The following ZNF77 variants were observed in gnomAD, a reference collection of about 807,000 sequenced individuals.
The protein encoded by ZNF77 is zinc finger protein 77, also known as ZNFpT1.
Under a neutral mutation model 13.5 loss-of-function variants are expected in ZNF77, and 15 were observed. The ratio of observed to expected loss-of-function variants is 1.11; its 90% CI spans 0.74 to 1.71. ZNF77 has a LOEUF of 1.71. Among genes scored for constraint, ZNF77 ranks in the 40% most tolerant of loss-of-function variants. The pLI is 0.00. For synonymous variants in ZNF77, 282 were observed against 250.0 expected (o/e 1.13, Z -1.21); for missense variants, 717 against 676.4 (o/e 1.06, Z -0.67).
In ZNF77 at chr19:2,933,492, C is replaced by G; in HGVS notation, c.1635G>C (p.Ala545=). ...LQAHVRTHAG[A] ...CAGGTCCACTGTATTCGTAGATTCA[C>G]GCTCCAGCATGTGTTCTCACATGTG... The change falls in exon 4 of 4, where the codon GCG becomes GCC. Residue 545 remains alanine (A), a synonymous_variant. Coordinates refer to ENST00000314531, the MANE Select transcript of ZNF77 (RefSeq NM_021217.3). The G allele has an allele frequency of 1.3e-6, 2 of 1,551,566 alleles. No individual in the cohort carries two copies. Among genetic ancestry groups the G allele is most frequent in the Non-Finnish European group, 1.7e-6 (2 of 1,146,180 alleles).
At chr19:2,944,294 C>T (rs1205084407) in intron 1 of ZNF77, among the ~76,000 whole-genome samples, 1 of 146,180 alleles carries the variant, frequency 6.8e-6, no homozygotes, top group Non-Finnish European at 1.5e-5. Flanking sequence ...AAACTCCCGA[C>T]TGCAGCTACT....
chr19:2,940,398 G>C (rs1046681675), intron 1 of ZNF77, among the ~76,000 whole-genome samples: 22 of 152,072 alleles, frequency 1.4e-4, no homozygotes, highest in Middle Eastern at 6.8e-3. Context: ...GGATAGGCCG[G>C]GCGTGGTGGC....
At chr19:2,936,733 G>A in intron 2 of ZNF77, 29 bp from the exon 3 acceptor site, 1 of 1,575,000 alleles carries the variant, frequency 6.3e-7, no homozygotes, top group Non-Finnish European at 8.6e-7. Flanking sequence ...CAATTTCTTA[G>A]GAGAAATATG....
In ZNF77 at chr19:2,939,383, C is replaced by T; in HGVS notation, c.28G>A (p.Ala10Thr). 6.2e-7 allele frequency: 1 copy of T among 1,614,150 alleles called. No homozygotes were observed. Among genetic ancestry groups the T allele is most frequent in the South Asian group, 1.1e-5 (1 of 91,082 alleles). Residue 10 changes from alanine (A) to threonine (T), a missense_variant, in exon 2 of 4, where the codon GCT (alanine) becomes ACT (threonine). Transcript: ENST00000314531. MDCVIFEEV[A>T]VNFTPEEWAL... ...CACTCTTCTGGGGTGAAGTTCACAG[C>T]CACTTCCTCAAAGATCACGCAGTCC...
At chr19:2,939,550 G>T in intron 1 of ZNF77, 143 bp from the exon 2 acceptor site, 3 of 1,188,916 alleles carry the variant, frequency 2.5e-6, no homozygotes, top group African/African-American at 1.5e-5. Flanking sequence ...ATGAAAAAGT[G>T]CAGTACACTC....
rs201144554 is a variant in ZNF77 at position 2,934,464 on chromosome 19, G to C, written c.663C>G (p.Phe221Leu). 5 of 1,614,230 alleles carry C rather than the reference G, an allele frequency of 3.1e-6. No individual in the cohort carries two copies. In the East Asian group the frequency reaches 1.1e-4, roughly 36 times the overall value. ...SYECQKCGKA[F>L]ICPSSFRGHV... is the part of the protein sequence containing the mutation. The stretch of plus-strand genomic sequence containing the variant: ...GTCCCCTGAAAGATGAGGGACAAAT[G>C]AAAGCTTTTCCACATTTCTGACATT... Residue 221 changes from phenylalanine (F) to leucine (L), a missense_variant, in exon 4 of 4, where the codon TTC becomes TTG. Physicochemically the swap from Phe to Leu is conservative, Grantham distance 22. Coordinates refer to ENST00000314531, the MANE Select transcript of ZNF77 (RefSeq NM_021217.3).
intron 1 of ZNF77, among the ~76,000 whole-genome samples, chr19:2,943,215 A>T (rs1018012019): frequency 8.2e-6 from 1 of 121,910 alleles, no homozygotes; most frequent in Non-Finnish European, 1.7e-5. Flanking sequence ...TTATACCCCC[A>T]CCCCACTGCA....
chr19:2,936,446 G>A, intron 3 of ZNF77, 78 bp downstream of exon 3: 3 of 1,462,532 alleles, frequency 2.1e-6, no homozygotes, highest in African/African-American at 1.5e-5. Context: ...CCTGTGCCCA[G>A]CCGATACTTT....
intron 1 of ZNF77, chr19:2,939,682 C>T (rs964025266): frequency 2.4e-6 from 1 of 418,662 alleles, no homozygotes; most frequent in Non-Finnish European, 4.4e-6. Flanking sequence ...AATCTGAAAA[C>T]ATCATTAAGC....
intron 2 of ZNF77, among the ~76,000 whole-genome samples, chr19:2,937,063 C>T (rs1568192895): frequency 6.6e-6 from 1 of 152,080 alleles, no homozygotes; most frequent in South Asian, 2.1e-4. Context: ...GTGTTGTGTG[C>T]CTATAATCCC....
At chr19:2,936,784 T>A in intron 2 of ZNF77, 80 bp from the exon 3 acceptor site, 1 of 1,311,562 alleles carries the variant, frequency 7.6e-7, no homozygotes, top group Non-Finnish European at 1.0e-6. Context: ...TTTCTTTTCA[T>A]ATAGTAATCC....
intron 2 of ZNF77, among the ~76,000 whole-genome samples, 193 bp from the exon 3 acceptor site, chr19:2,936,897 G>A (rs916761876): frequency 3.9e-5 from 6 of 152,126 alleles, no homozygotes; most frequent in East Asian, 1.9e-4. Context: ...CAGATGAGCC[G>A]GGTGCAGTGG....
In ZNF77 at chr19:2,944,958, G is replaced by T; in HGVS notation, c.-118C>A. Reference sequence around the variant, plus strand: ...TAGGCGGGGAAGCGCGCAAGGCAGAGGGGAACTCGGCTTACCGTCCTCGGG... The same window carrying T: ...TAGGCGGGGAAGCGCGCAAGGCAGATGGGAACTCGGCTTACCGTCCTCGGG... On this transcript the variant is annotated 5_prime_UTR_variant, in exon 1 of 4. Transcript: ENST00000314531. 1 of 1,327,522 alleles carries T rather than the reference G, an allele frequency of 7.5e-7. No individual in the cohort carries two copies. The highest frequency in any genetic ancestry group is 1.0e-6 in the Non-Finnish European group (1 of 1,003,948). The allele number at this position is 1,327,522 out of a possible 1,614,324, so 82.2% of individuals were successfully genotyped here.
chr19:2,935,079 C>CAT (rs2088383940), intron 3 of ZNF77, among the ~76,000 whole-genome samples: 2 of 152,074 alleles, frequency 1.3e-5, no homozygotes, highest in East Asian at 1.9e-4. Flanking sequence ...AGTGCAGTGG[C>CAT]GCCATCTCGG....
At chr19:2,940,407 G>A (rs2088438740) in intron 1 of ZNF77, among the ~76,000 whole-genome samples, 1 of 151,972 alleles carries the variant, frequency 6.6e-6, no homozygotes, top group South Asian at 2.1e-4. Flanking sequence ...GGGCGTGGTG[G>A]CTCACGCCTA....
chr19:2,940,926 GC>G (rs1305223329), intron 1 of ZNF77, among the ~76,000 whole-genome samples: 1 of 152,084 alleles, frequency 6.6e-6, no homozygotes, highest in East Asian at 1.9e-4. Context: ...TATACTCCCA[GC>G]ACTTTGGGAG....
intron 3 of ZNF77, among the ~76,000 whole-genome samples, chr19:2,935,045 G>A (rs923437882): frequency 6.6e-6 from 1 of 152,114 alleles, no homozygotes; most frequent in Non-Finnish European, 1.5e-5. Flanking sequence ...TTGAGATGGA[G>A]TCTCGCTCTG....
intron 3 of ZNF77, 68 bp from the exon 4 acceptor site, chr19:2,934,883 TA>T: frequency 2.6e-6 from 4 of 1,512,246 alleles, no homozygotes; most frequent in Non-Finnish European, 3.5e-6. Flanking sequence ...TAATGGTTTT[TA>T]GTGATTATTT....
intron 1 of ZNF77, among the ~76,000 whole-genome samples, chr19:2,941,591 A>C (rs1348397049): frequency 6.6e-6 from 1 of 152,168 alleles, no homozygotes; most frequent in Non-Finnish European, 1.5e-5. Flanking sequence ...TGTCCCACAA[A>C]GGGTCCCATG....
Sources: allele counts gnomAD v4.1 joint callset (sites outside exome capture counted in the v4.1 genomes callset), GRCh38; gene constraint gnomAD v4.1.1; transcripts MANE v1.5; gene names NCBI Gene and HGNC (gene_info 2026-07-23, HGNC 2026-07-21).